The following CLCN4 variants were observed in gnomAD, a reference collection of about 807,000 sequenced individuals.
CLCN4 encodes the protein H(+)/Cl(-) exchange transporter 4.
CLCN4 carries 1 observed loss-of-function variant against 41.7 expected under a neutral mutation model. That is an observed-to-expected ratio of 0.02 (90% CI 0.01 to 0.11). CLCN4 has a LOEUF of 0.11. Among genes scored for constraint, CLCN4 ranks in the 10% least tolerant of loss-of-function variants. The pLI is 1.00. For synonymous variants in CLCN4, 277 were observed against 285.8 expected (o/e 0.97, Z 0.31); for missense variants, 287 against 661.0 (o/e 0.43, Z 6.20).
Position 10,213,868 on chromosome X carries a change from C to T in CLCN4, c.1764C>T (p.Asp588=), listed in dbSNP as rs763456840. ...GGTACCCTTTCCTTGACGTGAAGGA[C>T]GAGTTTACTCACCGCACACTGGCCA... The part of the protein sequence containing the change: ...LNGYPFLDVK[D]EFTHRTLATD... The change falls in exon 11 of 13, where the codon GAC becomes GAT. Residue 588 remains aspartate, a synonymous_variant. Coordinates refer to ENST00000380833, the MANE Select transcript of CLCN4 (RefSeq NM_001830.4). The T allele has an allele frequency of 2.4e-5, 29 of 1,210,328 alleles. No individual in the cohort carries two copies. The African/African-American group carries it at 3.0e-4, about 12-fold the overall frequency.
chrX:10,194,466 T>C (rs1924045498), intron 4 of CLCN4, among the ~76,000 whole-genome samples: 1 of 112,175 alleles, frequency 8.9e-6, no homozygotes, highest in Non-Finnish European at 1.9e-5. Flanking sequence ...TACTCATTTA[T>C]GATGTGAGGC....
intron 4 of CLCN4, among the ~76,000 whole-genome samples, chrX:10,194,526 A>T (rs1924047665): frequency 8.9e-6 from 1 of 111,739 alleles, no homozygotes. Context: ...TGTTTCCCTG[A>T]GAAATATTAA....
rs1555977626 is a variant in CLCN4 at position 10,216,918 on chromosome X, T to TACACACACACAC, written c.1975+2841_1975+2852dup. 1.9e-3 allele frequency among the ~76,000 whole-genome samples: 75 copies of TACACACACACAC among 38,927 alleles called. 1 individual carries two copies. The highest frequency in any genetic ancestry group is 4.3e-3 in the African/African-American group (39 of 9,009). 33.8% of individuals were successfully genotyped at this position (38,927 alleles called of 115,157 possible). ...GTGTGTATATATATATATATATATATACACACACACACATAGAGGGACTTC... is the reference window on the plus strand; with the variant it reads ...GTGTGTATATATATATATATATATATACACACACACACACACACACACACATAGAGGGACTTC... On this transcript the variant is annotated intron_variant, in intron 11 of 12. Coordinates refer to ENST00000380833, the MANE Select transcript of CLCN4 (RefSeq NM_001830.4).
chrX:10,162,041 A>C (rs1483126152), intron 2 of CLCN4, among the ~76,000 whole-genome samples: 3 of 91,380 alleles, frequency 3.3e-5, no homozygotes, highest in Non-Finnish European at 6.4e-5. Flanking sequence ...TTTTTGAGAC[A>C]GAGTCTCGGT....
At chrX:10,213,477 T>C (rs144226298) in intron 10 of CLCN4, among the ~76,000 whole-genome samples, 1 of 111,942 alleles carries the variant, frequency 8.9e-6, no homozygotes, top group African/African-American at 3.2e-5. Context: ...CCCAGTGAGA[T>C]GCAACTTCAG....
intron 2 of CLCN4, among the ~76,000 whole-genome samples, chrX:10,181,952 G>A (rs1414458470): frequency 1.8e-5 from 2 of 112,116 alleles, no homozygotes; most frequent in Non-Finnish European, 3.8e-5. Flanking sequence ...ATTCCTTGGG[G>A]TCTTCATGCT....
intron 2 of CLCN4, among the ~76,000 whole-genome samples, chrX:10,159,460 C>T (rs758447873): frequency 9.1e-6 from 1 of 110,191 alleles, no homozygotes; most frequent in Admixed American, 9.6e-5. Flanking sequence ...CGTTTACATG[C>T]CTTTCTCGGG....
chrX:10,183,772 A>G (rs5934803), intron 2 of CLCN4, among the ~76,000 whole-genome samples: 24,174 of 111,450 alleles, frequency 0.22, 2,581 homozygotes, highest in East Asian at 0.84. Flanking sequence ...TAGTGGGAGT[A>G]GAATTATTAT....
intron 2 of CLCN4, among the ~76,000 whole-genome samples, chrX:10,165,204 T>G (rs985975959): frequency 3.5e-5 from 4 of 113,203 alleles, no homozygotes; most frequent in Non-Finnish European, 7.5e-5. Flanking sequence ...GGCTATTCCC[T>G]CAGCCCTGAG....
At chrX:10,208,757 T>G (rs1015925184) in intron 9 of CLCN4, among the ~76,000 whole-genome samples, 167 bp downstream of exon 9, 2 of 112,037 alleles carry the variant, frequency 1.8e-5, no homozygotes, top group Middle Eastern at 4.6e-3. Context: ...AAATAACTTC[T>G]AATAAACAAT....
chrX:10,206,489 C>T lies in CLCN4; in HGVS notation c.687C>T (p.His229=), dbSNP rs769295270. The change falls in exon 7 of 13, where the codon CAC becomes CAT. Residue 229 remains histidine (H), a synonymous_variant. Coordinates refer to ENST00000380833, the MANE Select transcript of CLCN4 (RefSeq NM_001830.4). ...LSLGKEGPLV[H]VACCCGNFFS... ...TTGGGAAGGAAGGGCCGCTAGTGCA[C>T]GTGGCTTGTTGCTGTGGCAACTTCT... is the stretch of plus-strand genomic sequence containing the variant. 4.3e-5 allele frequency: 52 copies of T among 1,210,406 alleles called. No individual in the cohort carries two copies. The highest frequency in any genetic ancestry group is 5.6e-5 in the Non-Finnish European group (50 of 894,744).
At position 10,233,601 on chromosome X, in the gene CLCN4, A is replaced by G; in HGVS notation, c.*17A>G. On this transcript the variant is annotated 3_prime_UTR_variant, in exon 13 of 13. Coordinates refer to ENST00000380833, the MANE Select transcript of CLCN4 (RefSeq NM_001830.4). ...TTTAATTAGCAACAAGGTGGCAATTATTTTCAGAAAAACACTGACTGTGTC... is the reference window on the plus strand; with the variant it reads ...TTTAATTAGCAACAAGGTGGCAATTGTTTTCAGAAAAACACTGACTGTGTC... The G allele has an allele frequency of 9.0e-7, 1 of 1,115,133 alleles. No homozygotes were observed. The highest frequency in any genetic ancestry group is 1.2e-6 in the Non-Finnish European group (1 of 807,802). The allele number at this position is 1,115,133 out of a possible 1,213,427, so 91.9% of individuals were successfully genotyped here. A position where few individuals can be genotyped will look rare whatever the true frequency, so the allele number is the denominator to read the frequency against.
chrX:10,190,848 TTATA>T (rs1923941240), intron 4 of CLCN4, among the ~76,000 whole-genome samples: 2 of 112,138 alleles, frequency 1.8e-5, no homozygotes, highest in Non-Finnish European at 3.8e-5. Context: ...ATTAGACTAA[TTATA>T]TATATTTGTA....
intron 6 of CLCN4, among the ~76,000 whole-genome samples, chrX:10,202,324 A>G (rs4830440): frequency 0.1 from 11,450 of 110,696 alleles, 514 homozygotes; most frequent in South Asian, 0.27. Context: ...AAATACAAAA[A>G]TTAGCCGGCG....
At chrX:10,191,444 G>T (rs1923958973) in intron 4 of CLCN4, among the ~76,000 whole-genome samples, 1 of 112,361 alleles carries the variant, frequency 8.9e-6, no homozygotes, top group Non-Finnish European at 1.9e-5. Context: ...TCCATTGATG[G>T]ATATTTGAGT....
intron 4 of CLCN4, among the ~76,000 whole-genome samples, chrX:10,193,639 G>T (rs1195144657): frequency 8.9e-6 from 1 of 112,150 alleles, no homozygotes; most frequent in African/African-American, 3.2e-5. Context: ...TCTGCAAGAG[G>T]CCAGAGAGTA....
chrX:10,174,491 G>A (rs1001149434), intron 2 of CLCN4, among the ~76,000 whole-genome samples: 1 of 112,666 alleles, frequency 8.9e-6, no homozygotes, highest in South Asian at 3.6e-4. Flanking sequence ...ATGTGGCAAC[G>A]AACAGCTGGG....
chrX:10,161,274 G>A (rs959615657), intron 2 of CLCN4, among the ~76,000 whole-genome samples: 20 of 110,375 alleles, frequency 1.8e-4, no homozygotes, highest in Non-Finnish European at 3.6e-4. Context: ...CAGAGGGCTA[G>A]GGTGAGAGCA....
At chrX:10,204,883 G>C (rs1215472895) in intron 6 of CLCN4, among the ~76,000 whole-genome samples, 1 of 110,485 alleles carries the variant, frequency 9.1e-6, no homozygotes, top group Non-Finnish European at 1.9e-5. Flanking sequence ...TTTATTTAAT[G>C]AATTTTACAT....
Sources: allele counts gnomAD v4.1 joint callset (sites outside exome capture counted in the v4.1 genomes callset), GRCh38; gene constraint gnomAD v4.1.1; transcripts MANE v1.5; gene names NCBI Gene and HGNC (gene_info 2026-07-23, HGNC 2026-07-21).